The following STOX1 variants were observed in gnomAD, a reference collection of about 807,000 sequenced individuals.
STOX1 encodes storkhead box 1.
STOX1 carries 57 observed loss-of-function variants against 74.8 expected under a neutral mutation model. The ratio of observed to expected loss-of-function variants is 0.76; its 90% CI spans 0.62 to 0.95. The LOEUF (loss-of-function observed/expected upper bound fraction) is 0.95, where lower values mean the gene tolerates loss of function less well. Among genes scored for constraint, STOX1 ranks in the 40% least tolerant of loss-of-function variants. STOX1 has a pLI of 0.00. For missense variants in STOX1, 1,010 were observed against 1,117.0 expected, an observed-to-expected ratio of 0.90 and a Z score of 1.37; for synonymous variants, 375 against 401.3, an observed-to-expected ratio of 0.93 and a Z score of 0.78.
At chr10:68,847,133 G>A (rs1372719028) in intron 1 of STOX1, among the ~76,000 whole-genome samples, 2 of 152,172 alleles carry the variant, frequency 1.3e-5, no homozygotes, top group African/African-American at 4.8e-5. Context: ...GAATTCAGGT[G>A]CTTGAAAAAG....
At chr10:68,866,633 C>A (rs1382039415) in intron 1 of STOX1, among the ~76,000 whole-genome samples, 1 of 152,194 alleles carries the variant, frequency 6.6e-6, no homozygotes, top group Non-Finnish European at 1.5e-5. Flanking sequence ...GAACCTGCAC[C>A]CCTTTTAAAT....
chr10:68,844,130 A>G lies in STOX1; in HGVS notation c.310+16197A>G, dbSNP rs143990450. ...GGGAGGCGGAGCTTGCAGTGAGTCGAGATCGCGCCACTGCACTCCAGCCTG... is the reference window on the plus strand; with the variant it reads ...GGGAGGCGGAGCTTGCAGTGAGTCGGGATCGCGCCACTGCACTCCAGCCTG... On this transcript the variant is annotated intron_variant, in intron 1 of 3. Transcript: ENST00000298596. Among the ~76,000 whole-genome samples, 622 of 151,668 alleles carry G rather than the reference A, an allele frequency of 4.1e-3. 2 individuals carry two copies. Among genetic ancestry groups the G allele is most frequent in the Non-Finnish European group, 4.7e-3 (322 of 67,930 alleles).
intron 1 of STOX1, among the ~76,000 whole-genome samples, chr10:68,866,890 G>A (rs559198155): frequency 2.8e-4 from 43 of 151,974 alleles, no homozygotes; most frequent in Admixed American, 2.6e-3. Flanking sequence ...TCCCGAAATC[G>A]GGTTTCCGTC....
At chr10:68,863,959 C>T (rs1840333422) in intron 1 of STOX1, among the ~76,000 whole-genome samples, 1 of 148,580 alleles carries the variant, frequency 6.7e-6, no homozygotes, top group South Asian at 2.1e-4. Context: ...AAGTCTCGCT[C>T]TCTCACCCAG....
At position 68,885,163 on chromosome 10, in the gene STOX1, C is replaced by T; in HGVS notation, c.1367C>T (p.Pro456Leu). 1 of 1,614,096 alleles carries T rather than the reference C, an allele frequency of 6.2e-7. No individual in the cohort carries two copies. Among genetic ancestry groups the T allele is most frequent in the African/African-American group, 1.3e-5 (1 of 75,018 alleles). Residue 456 changes from proline to leucine, a missense_variant, in exon 3 of 4, where the codon CCT (proline) becomes CTT (leucine). Coordinates refer to ENST00000298596, the MANE Select transcript of STOX1 (RefSeq NM_152709.5). ...SIRLEKHPKL[P>L]ATQPIPRIKS... ...AGACTGGAGAAACACCCCAAGCTCC[C>T]TGCTACACAGCCCATCCCCAGAATT...
At position 68,857,583 on chromosome 10, in the gene STOX1, A is replaced by G. The variant is rs191425924; in HGVS notation, c.311-24375A>G. ...TATACAGTTGTAAAATAACTTAGCT[A>G]AGGATCCCAAGTTTGCAGTGACATT... On this transcript the variant is annotated intron_variant, in intron 1 of 3. Transcript: ENST00000298596. Among the ~76,000 whole-genome samples the G allele has an allele frequency of 3.3e-5, 5 of 152,240 alleles. No homozygotes were observed. In the East Asian group the frequency reaches 9.6e-4, roughly 29 times the overall value.
chr10:68,853,279 G>T (rs185479548), intron 1 of STOX1, among the ~76,000 whole-genome samples: 1 of 152,078 alleles, frequency 6.6e-6, no homozygotes. Flanking sequence ...CGCTGGGTTC[G>T]CCTTAAGCAG....
chr10:68,844,266 G>T (rs1381883465), intron 1 of STOX1, among the ~76,000 whole-genome samples: 1 of 145,348 alleles, frequency 6.9e-6, no homozygotes, highest in Non-Finnish European at 1.5e-5. Context: ...ATCTTTTCAT[G>T]TGTGCTTGTT....
chr10:68,844,436 T>A (rs1332402931), intron 1 of STOX1, among the ~76,000 whole-genome samples: 2 of 151,632 alleles, frequency 1.3e-5, no homozygotes, highest in African/African-American at 4.8e-5. Context: ...GTAGTTGGGA[T>A]TACAGGTATC....
Position 68,874,013 on chromosome 10 carries a change from C to CTTTTTTTTTT in STOX1, c.311-7931_311-7922dup, listed in dbSNP as rs1160388935. 2.3e-3 allele frequency among the ~76,000 whole-genome samples: 59 copies of CTTTTTTTTTT among 25,758 alleles called. 14 individuals carry two copies. The highest frequency in any genetic ancestry group is 8.8e-3 in the African/African-American group (49 of 5,542). The allele number at this position is 25,758 out of a possible 152,430, so 16.9% of individuals were successfully genotyped here. On this transcript the variant is annotated intron_variant, in intron 1 of 3. Coordinates refer to ENST00000298596, the MANE Select transcript of STOX1 (RefSeq NM_152709.5). ...GAAAAATTGCAGATAGCTAGGTAGCCTTTTTTTTTTTTTTTTTTTTTTTGC... is the reference window on the plus strand; with the variant it reads ...GAAAAATTGCAGATAGCTAGGTAGCCTTTTTTTTTTTTTTTTTTTTTTTTTTTTTTTTTGC...
chr10:68,892,499 C>T (rs1272682072), intron 3 of STOX1, 90 bp from the exon 4 acceptor site: 1 of 1,260,946 alleles, frequency 7.9e-7, no homozygotes, highest in East Asian at 2.3e-5. Context: ...AAATGTACTA[C>T]TTCAAAGTAG....
chr10:68,830,423 A>C (rs1839376341), intron 1 of STOX1, among the ~76,000 whole-genome samples: 1 of 151,958 alleles, frequency 6.6e-6, no homozygotes, highest in Non-Finnish European at 1.5e-5. Flanking sequence ...GCTCACTGCA[A>C]CCTCCACCTC....
At chr10:68,876,119 A>AATATATATATAT (rs56325624) in intron 1 of STOX1, among the ~76,000 whole-genome samples, 11 of 135,736 alleles carry the variant, frequency 8.1e-5, no homozygotes, top group South Asian at 2.4e-4. Flanking sequence ...TCTTTACCAG[A>AATATATATATAT]ATATATATAT....
chr10:68,889,690 A>G (rs1227120841), intron 3 of STOX1, among the ~76,000 whole-genome samples: 1 of 152,084 alleles, frequency 6.6e-6, no homozygotes, highest in East Asian at 1.9e-4. Flanking sequence ...CAGTCTCCCA[A>G]ATAGCTGGGA....
intron 1 of STOX1, among the ~76,000 whole-genome samples, chr10:68,872,342 C>CT (rs72451894): frequency 0.021 from 1,881 of 89,308 alleles, 55 homozygotes; most frequent in African/African-American, 0.07. Context: ...TTTTTCTTTT[C>CT]TTTTTTTTTT....
In STOX1 at chr10:68,891,734, G is replaced by A. The variant is rs542869992; in HGVS notation, c.2823-855G>A. ...GGAGAATCACTTGAACCCGGAAGGC[G>A]GAGGTTGCAGTGGGCCAAGACTGCA... On this transcript the variant is annotated intron_variant, in intron 3 of 3. Transcript: ENST00000298596. 1.4e-4 allele frequency among the ~76,000 whole-genome samples: 21 copies of A among 151,934 alleles called. No homozygotes were observed. In the East Asian group the frequency reaches 2.0e-3, roughly 14 times the overall value.
At chr10:68,846,223 T>C in intron 1 of STOX1, among the ~76,000 whole-genome samples, 1 of 151,736 alleles carries the variant, frequency 6.6e-6, no homozygotes. Flanking sequence ...CTCAGCTCAC[T>C]GCAACCTCTG....
chr10:68,828,581 A>G (rs1839326743), intron 1 of STOX1, among the ~76,000 whole-genome samples: 1 of 152,180 alleles, frequency 6.6e-6, no homozygotes, highest in African/African-American at 2.4e-5. Flanking sequence ...TAGAAAAGTG[A>G]TGCTCTGGAT....
chr10:68,877,445 TG>T (rs1840706742), intron 1 of STOX1, among the ~76,000 whole-genome samples: 1 of 152,220 alleles, frequency 6.6e-6, no homozygotes, highest in Non-Finnish European at 1.5e-5. Flanking sequence ...ATCAAGTTTT[TG>T]CTCTTATTTT....
Sources: gnomAD v4.1 joint callset for allele counts (sites outside exome capture counted in the v4.1 genomes callset) on GRCh38, gnomAD v4.1.1 for gene constraint, MANE v1.5 for transcripts, NCBI Gene and HGNC (gene_info 2026-07-23, HGNC 2026-07-21) for gene names.